The following GSN variants were observed in gnomAD, a reference collection of about 807,000 sequenced individuals.
The protein encoded by GSN is gelsolin.
Under a neutral mutation model 85.7 loss-of-function variants are expected in GSN, and 56 were observed. The ratio of observed to expected loss-of-function variants is 0.65; its 90% confidence interval spans 0.53 to 0.82. The LOEUF is 0.82. Among genes scored for constraint, GSN ranks in the 40% least tolerant of loss-of-function variants. GSN has a pLI of 0.00. For missense variants in GSN, 857 were observed against 979.8 expected, an observed-to-expected ratio of 0.87 and a Z score of 1.67; for synonymous variants, 373 against 399.1, an observed-to-expected ratio of 0.93 and a Z score of 0.78.
chr9:121,248,939 G>A (rs2054757762), intron 6 of GSN, among the ~76,000 whole-genome samples: 1 of 152,158 alleles, frequency 6.6e-6, no homozygotes, highest in African/African-American at 2.4e-5. Context: ...ACAGGGTTAT[G>A]TTTTTAAGAA....
intron 14 of GSN, among the ~76,000 whole-genome samples, chr9:121,327,982 A>G (rs965029021): frequency 1.2e-4 from 18 of 152,286 alleles, no homozygotes; most frequent in African/African-American, 4.1e-4. Context: ...CTCAAAAAGA[A>G]GAAAGAAAGA....
At chr9:121,254,736 A>T (rs1271481125) in intron 6 of GSN, among the ~76,000 whole-genome samples, 1 of 152,076 alleles carries the variant, frequency 6.6e-6, no homozygotes, top group Non-Finnish European at 1.5e-5. Flanking sequence ...TTCTAATGTT[A>T]TTATTATTAT....
At chr9:121,218,115 C>T (rs1338466631) in intron 4 of GSN, among the ~76,000 whole-genome samples, 1 of 152,130 alleles carries the variant, frequency 6.6e-6, no homozygotes, top group Non-Finnish European at 1.5e-5. Flanking sequence ...TTGTTGAGCT[C>T]TTAAGAAGGG....
chr9:121,285,560 A>C (rs1457848032), intron 2 of GSN: 1 of 163,572 alleles, frequency 6.1e-6, no homozygotes, highest in Non-Finnish European at 1.5e-5. Context: ...AAAATTATTA[A>C]TCTTGGACAT....
rs184807749 is a variant in GSN, at chr9:121,236,515, C to A, written c.-389+5212C>A. Among the ~76,000 whole-genome samples, 7 of 152,272 alleles carry A rather than the reference C, an allele frequency of 4.6e-5. No homozygotes were observed. The South Asian group carries it at 1.4e-3, about 32-fold the overall frequency. On this transcript the variant is annotated intron_variant, in intron 5 of 24. Transcript: ENST00000373823. ...GGCATGAGCCACCATGCCCGGCCAA[C>A]ATGTATTTTCATTTATATCCAAATA...
chr9:121,317,052 T>G (rs1336348879), intron 7 of GSN, 34 bp from the exon 8 acceptor site: 1 of 1,613,614 alleles, frequency 6.2e-7, no homozygotes, highest in Non-Finnish European at 8.5e-7. Flanking sequence ...CCACAGACAC[T>G]CATGTGCTGG....
chr9:121,331,453 G>A lies in GSN; in HGVS notation c.2026+5G>A. 6.4e-7 allele frequency: 1 copy of A among 1,561,174 alleles called. No homozygotes were observed. The highest frequency in any genetic ancestry group is 8.8e-7 in the Non-Finnish European group (1 of 1,140,136). On this transcript the variant is annotated splice_donor_5th_base_variant and intron_variant, in intron 17 of 17. Coordinates refer to ENST00000432226, the MANE Select transcript of GSN (RefSeq NM_198252.3). ...AGACAGAAGCCTTGACTTCTGGTGA[G>A]GACCCGAGTGCCTGGGGGCGGGGGG...
chr9:121,272,790 G>A (rs1042955770), intron 1 of GSN, among the ~76,000 whole-genome samples: 1 of 152,198 alleles, frequency 6.6e-6, no homozygotes, highest in African/African-American at 2.4e-5. Context: ...TTACAGATGA[G>A]GAAACTGAGG....
intron 2 of GSN, among the ~76,000 whole-genome samples, chr9:121,287,531 T>A (rs1236623140): frequency 1.3e-5 from 2 of 152,032 alleles, no homozygotes; most frequent in Non-Finnish European, 2.9e-5. Context: ...GCACACCTGG[T>A]CCACAGAGGT....
At chr9:121,315,400 AT>A (rs1274196912) in intron 7 of GSN, among the ~76,000 whole-genome samples, 5 of 152,244 alleles carry the variant, frequency 3.3e-5, no homozygotes, top group Non-Finnish European at 2.9e-5. Context: ...TAAGTACAGC[AT>A]AGCACTAGGG....
intron 2 of GSN, among the ~76,000 whole-genome samples, chr9:121,294,062 T>C (rs192156699): frequency 6.6e-6 from 1 of 152,368 alleles, no homozygotes; most frequent in Admixed American, 6.5e-5. Flanking sequence ...GGTTGCTCTC[T>C]GTTTTTCTCC....
At position 121,261,528 on chromosome 9, in the gene GSN, T is replaced by C. The variant is rs534831337; in HGVS notation, c.-340-3626T>C. Among the ~76,000 whole-genome samples, 52 of 152,384 alleles carry C rather than the reference T, an allele frequency of 3.4e-4. No individual in the cohort carries two copies. The highest frequency in any genetic ancestry group is 1.2e-3 in the African/African-American group (48 of 41,594). On this transcript the variant is annotated intron_variant, in intron 6 of 24. Coordinates refer to the GSN transcript ENST00000373823. This position sits in a 1 kb window ranked among gnomAD's most constrained non-coding sequence, Gnocchi z 4.1. Reference sequence around the variant, plus strand: ...TTTCACCTTGCTGTGCCTCAGTTTCTCGATCTATGAACTGGGAGTGAGAGT... The same window carrying C: ...TTTCACCTTGCTGTGCCTCAGTTTCCCGATCTATGAACTGGGAGTGAGAGT...
chr9:121,233,540 T>C (rs542994063), intron 5 of GSN, among the ~76,000 whole-genome samples: 85 of 151,992 alleles, frequency 5.6e-4, no homozygotes, highest in Non-Finnish European at 6.8e-4. Context: ...GCACAGGAGG[T>C]CAAATAAAGA....
Position 121,318,511 on chromosome 9 carries a change from A to T in GSN, c.975+17A>T. ...CAGACTCAGGTGAGTCTTGGAGGCC[A>T]GGTAGGATGGGAAGGGGTGGGTCCT... is the stretch of plus-strand genomic sequence containing the variant. On this transcript the variant is annotated intron_variant, in intron 9 of 17. Transcript: ENST00000432226. This position sits in a 1 kb window ranked among gnomAD's most constrained non-coding sequence, Gnocchi z 4.3. 1.3e-6 allele frequency: 2 copies of T among 1,587,260 alleles called. No individual in the cohort carries two copies. Among genetic ancestry groups the T allele is most frequent in the Non-Finnish European group, 1.7e-6 (2 of 1,155,686 alleles).
chr9:121,270,011 T>C (rs1053504764), intron 1 of GSN, among the ~76,000 whole-genome samples: 4 of 152,202 alleles, frequency 2.6e-5, no homozygotes, highest in African/African-American at 9.7e-5. Context: ...TTGTGCCATA[T>C]TAAGAGTGAC....
chr9:121,238,785 T>C (rs185676145), intron 5 of GSN: 219 of 517,820 alleles, frequency 4.2e-4, no homozygotes, highest in African/African-American at 3.6e-3. Flanking sequence ...CCTCTCAAAC[T>C]TCTGCAGAAA....
At chr9:121,317,515 C>T (rs921376120) in intron 8 of GSN, 63 of 413,030 alleles carry the variant, frequency 1.5e-4, no homozygotes, top group Non-Finnish European at 1.8e-4. Flanking sequence ...ATGTAGAAAA[C>T]ATCTAACTGT....
chr9:121,202,361 C>G, the GSN span, among the ~76,000 whole-genome samples: 1 of 152,216 alleles, frequency 6.6e-6, no homozygotes, highest in South Asian at 2.1e-4. Context: ...TATACCGGTC[C>G]TGTCCAACAA....
chr9:121,273,557 A>G (rs954887582), intron 1 of GSN, among the ~76,000 whole-genome samples: 3 of 152,212 alleles, frequency 2.0e-5, no homozygotes, highest in Non-Finnish European at 4.4e-5. Context: ...GTTCATAACT[A>G]ACCAGAGAAA....
Sources: gnomAD v4.1 joint callset for allele counts (sites outside exome capture counted in the v4.1 genomes callset) on GRCh38, gnomAD v4.1.1 for gene constraint, Gnocchi (gnomAD v3.1) non-coding constraint, MANE v1.5 for transcripts, NCBI Gene and HGNC (gene_info 2026-07-23, HGNC 2026-07-21) for gene names.